CORO2B: variants seen among roughly 807,000 people sequenced by gnomAD.
CORO2B encodes coronin 2B.
In CORO2B, 26 loss-of-function variants were observed where a neutral mutation model predicts 58.8. The ratio of observed to expected loss-of-function variants is 0.44; its 90% CI spans 0.32 to 0.61. The LOEUF is 0.61. CORO2B is among the 20% of genes least tolerant of loss of function. CORO2B has a pLI of 0.04. For synonymous variants in CORO2B, 242 were observed against 253.8 expected (o/e 0.95, Z 0.44); for missense variants, 460 against 645.1 (o/e 0.71, Z 3.11).
At chr15:68,529,960 A>G in the CORO2B span, among the ~76,000 whole-genome samples, 1 of 152,068 alleles carries the variant, frequency 6.6e-6, no homozygotes, top group African/African-American at 2.4e-5. Flanking sequence ...GATTTTTGAT[A>G]TTTTTCTGTT....
chr15:68,530,669 G>A, the CORO2B span, among the ~76,000 whole-genome samples: 9 of 152,048 alleles, frequency 5.9e-5, no homozygotes, highest in Non-Finnish European at 1.2e-4. Flanking sequence ...GAGGATTTTT[G>A]TGTCTTCTTG....
At chr15:68,621,574 A>G (rs1900520204) in intron 1 of CORO2B, among the ~76,000 whole-genome samples, 1 of 152,182 alleles carries the variant, frequency 6.6e-6, no homozygotes, top group Admixed American at 6.5e-5. Flanking sequence ...CTCTGTCTTC[A>G]TAACTCTGCC....
intron 1 of CORO2B, among the ~76,000 whole-genome samples, chr15:68,598,674 G>A (rs1343131052): frequency 6.6e-6 from 1 of 152,240 alleles, no homozygotes; most frequent in Non-Finnish European, 1.5e-5. Flanking sequence ...TCACTTTGGA[G>A]TTTTAATTCT....
intron 1 of CORO2B, among the ~76,000 whole-genome samples, chr15:68,627,582 AGCTCGTGGGAGAGGAGACTCT>A (rs1184092185): frequency 6.6e-6 from 1 of 152,098 alleles, no homozygotes; most frequent in Non-Finnish European, 1.5e-5. Flanking sequence ...TAGCATAAGG[AGCTCGTGGGAGAGGAGACTCT>A]GCATCATGGT....
chr15:68,726,088 C>A lies in CORO2B; in HGVS notation c.*114C>A. On this transcript the variant is annotated 3_prime_UTR_variant, in exon 12 of 12. Transcript: ENST00000261861. ...AGCCAGGACAGGAGTGGGGGCCAGC[C>A]TGAGGACCCCCGCCTACCACCTCGA... The A allele has an allele frequency of 1.5e-6, 2 of 1,366,912 alleles. No homozygotes were observed. Among genetic ancestry groups the A allele is most frequent in the Non-Finnish European group, 2.0e-6 (2 of 1,003,630 alleles). 84.7% of individuals were successfully genotyped at this position (1,366,912 alleles called of 1,614,324 possible). A position where few individuals can be genotyped will look rare whatever the true frequency, so the allele number is the denominator to read the frequency against.
intron 8 of CORO2B, among the ~76,000 whole-genome samples, chr15:68,718,166 G>A (rs893322278): frequency 1.3e-5 from 2 of 152,222 alleles, no homozygotes; most frequent in Non-Finnish European, 2.9e-5. Context: ...GGAAACATGG[G>A]CACACATTGT....
At chr15:68,664,675 A>C (rs949163181) in intron 2 of CORO2B, among the ~76,000 whole-genome samples, 4 of 152,122 alleles carry the variant, frequency 2.6e-5, no homozygotes, top group South Asian at 4.1e-4. Flanking sequence ...AAAAAACAAA[A>C]AAACCTGAGT....
At chr15:68,568,428 C>T in the CORO2B span, among the ~76,000 whole-genome samples, 10,186 of 152,174 alleles carry the variant, frequency 0.067, 465 homozygotes, top group African/African-American at 0.12. Flanking sequence ...CACTATTGCC[C>T]TTTACCCTCT....
rs1892977178 is a variant in CORO2B, at chr15:68,714,053, G to A, written c.765+12G>A. On this transcript the variant is annotated intron_variant, in intron 6 of 11. Coordinates refer to ENST00000261861, the MANE Select transcript of CORO2B (RefSeq NM_006091.5). ...CCCTCTGGGACCAGGTCAGCCACGG[G>A]GAGGCCTGCTGGGTTTGGGCTAAAG... 5 of 1,583,622 alleles carry A rather than the reference G, an allele frequency of 3.2e-6. No homozygotes were observed. The highest frequency in any genetic ancestry group is 4.3e-6 in the Non-Finnish European group (5 of 1,152,892).
At chr15:68,686,478 A>AACTTGGGCAAGTCG in intron 2 of CORO2B, among the ~76,000 whole-genome samples, 1 of 152,310 alleles carries the variant, frequency 6.6e-6, no homozygotes, top group Non-Finnish European at 1.5e-5. Flanking sequence ...CAGACAAGTC[A>AACTTGGGCAAGTCG]CCTTGGGCAA....
the CORO2B span, among the ~76,000 whole-genome samples, chr15:68,527,256 C>G: frequency 2.0e-5 from 3 of 152,266 alleles, no homozygotes; most frequent in Non-Finnish European, 1.5e-5. Flanking sequence ...TCTTTCCCAG[C>G]TAGGCAATCC....
intron 3 of CORO2B, among the ~76,000 whole-genome samples, chr15:68,708,604 C>T (rs537572134): frequency 2.0e-4 from 30 of 151,846 alleles, no homozygotes; most frequent in Admixed American, 3.3e-4. Flanking sequence ...CCTCGTGATC[C>T]GCCCACCTCG....
chr15:68,550,263 C>A, the CORO2B span, among the ~76,000 whole-genome samples: 8 of 152,240 alleles, frequency 5.3e-5, no homozygotes, highest in South Asian at 8.3e-4. Flanking sequence ...AAAAGAACCC[C>A]CGGGATGTAA....
In CORO2B at chr15:68,610,588, G is replaced by C. The variant is rs191091301; in HGVS notation, c.15+31311G>C. On this transcript the variant is annotated intron_variant, in intron 1 of 11. Transcript: ENST00000261861. ...AAGCCCCTCCTCCAGCATCCTGCGC[G>C]TTTAAATTTGTAGAAACCTAGTCCC... 7.9e-5 allele frequency among the ~76,000 whole-genome samples: 12 copies of C among 152,158 alleles called. No individual in the cohort carries two copies. In the East Asian group the frequency reaches 2.1e-3, roughly 27 times the overall value.
the CORO2B span, among the ~76,000 whole-genome samples, chr15:68,528,439 C>T: frequency 6.6e-6 from 1 of 152,102 alleles, no homozygotes; most frequent in Non-Finnish European, 1.5e-5. Context: ...TGGTGAATTA[C>T]AATGATTAAC....
At chr15:68,620,959 G>A (rs1024512134) in intron 1 of CORO2B, among the ~76,000 whole-genome samples, 23 of 152,308 alleles carry the variant, frequency 1.5e-4, no homozygotes, top group African/African-American at 5.5e-4. Context: ...CACAGCGAGC[G>A]GTACAGGGCC....
intron 1 of CORO2B, among the ~76,000 whole-genome samples, chr15:68,621,070 T>C (rs976410993): frequency 6.6e-6 from 1 of 152,026 alleles, no homozygotes; most frequent in African/African-American, 2.4e-5. Flanking sequence ...CAGCTTGGAG[T>C]GGACGGATGA....
the CORO2B span, among the ~76,000 whole-genome samples, chr15:68,567,210 A>G: frequency 2.0e-5 from 3 of 152,244 alleles, no homozygotes; most frequent in East Asian, 1.9e-4. Flanking sequence ...GCCTGGATCT[A>G]GAAACCCTGC....
chr15:68,725,091 G>A lies in CORO2B; in HGVS notation c.1312-752G>A, dbSNP rs116943292. 4.1e-3 allele frequency among the ~76,000 whole-genome samples: 627 copies of A among 152,276 alleles called. 11 individuals carry two copies. The highest frequency in any genetic ancestry group is 0.032 in the East Asian group (167 of 5,176). ...AAGTTCTAAATTATCAGCACAAGCC[G>A]GGCATGGTAGCTTACACCTGTAATC... On this transcript the variant is annotated intron_variant, in intron 11 of 11. Transcript: ENST00000261861.
Sources: allele counts gnomAD v4.1 joint callset (sites outside exome capture counted in the v4.1 genomes callset), GRCh38; gene constraint gnomAD v4.1.1; transcripts MANE v1.5; gene names NCBI Gene and HGNC (gene_info 2026-07-23, HGNC 2026-07-21).